Variants in PTPRD observed in about 807,000 individuals in gnomAD.
PTPRD encodes the protein receptor-type tyrosine-protein phosphatase delta.
PTPRD carries 34 observed loss-of-function variants against 214.5 expected under a neutral mutation model. The ratio of observed to expected loss-of-function variants is 0.16; its 90% CI spans 0.12 to 0.21. The LOEUF (loss-of-function observed/expected upper bound fraction) is 0.21, where lower values mean the gene tolerates loss of function less well. Among genes scored for constraint, PTPRD ranks in the 10% least tolerant of loss-of-function variants. The pLI is 1.00. For synonymous variants in PTPRD, 1,128 were observed against 845.7 expected (o/e 1.33, Z -5.79); for missense variants, 2,545 against 2,398.7 (o/e 1.06, Z -1.27).
At chr9:9,460,940 T>C (rs1304177323) in intron 8 of PTPRD, among the ~76,000 whole-genome samples, 1 of 152,018 alleles carries the variant, frequency 6.6e-6, no homozygotes, top group African/African-American at 2.4e-5. Context: ...CGTCAGTGGT[T>C]GACTGGATAA....
At chr9:9,928,763 C>CAA (rs1332731429) in intron 5 of PTPRD, among the ~76,000 whole-genome samples, 1 of 151,316 alleles carries the variant, frequency 6.6e-6, no homozygotes, top group Non-Finnish European at 1.5e-5. Flanking sequence ...TCTATACACA[C>CAA]ACACACACAC....
chr9:8,738,383 C>G (rs1373554895), intron 11 of PTPRD, among the ~76,000 whole-genome samples: 1 of 148,498 alleles, frequency 6.7e-6, no homozygotes, highest in African/African-American at 2.6e-5. Context: ...GCTTTCTATA[C>G]TGTTATTTGT....
In PTPRD at chr9:8,681,847, C is replaced by T. The variant is rs182188188; in HGVS notation, c.65-45003G>A. On this transcript the variant is annotated intron_variant, in intron 12 of 45. Coordinates refer to ENST00000381196, the MANE Select transcript of PTPRD (RefSeq NM_002839.4). ...AATAAGAATTCAGTGATTGCCCTTC[C>T]CCACTTAAAATACATAATATCTACT... Among the ~76,000 whole-genome samples, 16 of 152,226 alleles carry T rather than the reference C, an allele frequency of 1.1e-4. No individual in the cohort carries two copies. In the East Asian group the frequency reaches 2.5e-3, roughly 24 times the overall value.
At chr9:9,470,821 C>G (rs1238622959) in intron 8 of PTPRD, among the ~76,000 whole-genome samples, 2 of 152,150 alleles carry the variant, frequency 1.3e-5, no homozygotes, top group Non-Finnish European at 2.9e-5. Flanking sequence ...CATGCTGTCT[C>G]AAATGCTAAC....
chr9:9,447,144 A>T (rs1246944116), intron 8 of PTPRD, among the ~76,000 whole-genome samples: 1 of 152,176 alleles, frequency 6.6e-6, no homozygotes, highest in Non-Finnish European at 1.5e-5. Flanking sequence ...TTACTATTTA[A>T]CCCAGCAATC....
chr9:9,613,127 CATACATACATATATATATATATATAT>C (rs1461667745), intron 7 of PTPRD, among the ~76,000 whole-genome samples: 4 of 39,118 alleles, frequency 1.0e-4, no homozygotes, highest in Non-Finnish European at 2.0e-4. Flanking sequence ...CTGCAGTATA[CATACATACATATATATATATATATAT>C]ATATATATAT....
intron 44 of PTPRD, 48 bp downstream of exon 44, chr9:8,331,534 A>G (rs2131626355): frequency 7.2e-7 from 1 of 1,386,264 alleles, no homozygotes; most frequent in Non-Finnish European, 9.7e-7. Context: ...ACAGACAATG[A>G]AGAAACACCA....
At chr9:9,669,200 A>G (rs139221574) in intron 7 of PTPRD, among the ~76,000 whole-genome samples, 1 of 152,198 alleles carries the variant, frequency 6.6e-6, no homozygotes, top group Non-Finnish European at 1.5e-5. Flanking sequence ...ATGCACAACT[A>G]TGTTTATTGC....
At chr9:8,568,154 G>T (rs2089983435) in intron 14 of PTPRD, among the ~76,000 whole-genome samples, 1 of 152,018 alleles carries the variant, frequency 6.6e-6, no homozygotes, top group African/African-American at 2.4e-5. Flanking sequence ...ATAGATTTTG[G>T]TTTAGTCAGC....
chr9:8,775,077 C>T (rs558639319), intron 11 of PTPRD, among the ~76,000 whole-genome samples: 29 of 152,112 alleles, frequency 1.9e-4, no homozygotes, highest in African/African-American at 6.8e-4. Flanking sequence ...TCCAGTGATG[C>T]CTTAAGTGAT....
intron 11 of PTPRD, among the ~76,000 whole-genome samples, chr9:8,769,478 G>A (rs1302192777): frequency 6.6e-6 from 1 of 152,154 alleles, no homozygotes; most frequent in African/African-American, 2.4e-5. Context: ...ATTTGGCCGA[G>A]GCAGTAGACA....
chr9:10,595,611 T>C (rs1223890184), intron 2 of PTPRD, among the ~76,000 whole-genome samples: 1 of 151,578 alleles, frequency 6.6e-6, no homozygotes, highest in Admixed American at 6.6e-5. Context: ...TATTATTTAA[T>C]ATTTCTGGGT....
At chr9:8,553,511 G>C (rs930850578) in intron 14 of PTPRD, among the ~76,000 whole-genome samples, 1 of 152,032 alleles carries the variant, frequency 6.6e-6, no homozygotes, top group Non-Finnish European at 1.5e-5. Context: ...GTCGTTTACT[G>C]GACACTTACC....
At chr9:8,661,132 T>G (rs72700331) in intron 12 of PTPRD, among the ~76,000 whole-genome samples, 41,500 of 151,896 alleles carry the variant, frequency 0.27, 5,965 homozygotes, top group African/African-American at 0.35. Flanking sequence ...CCTGCTCTTT[T>G]TCATATGCCA....
At chr9:10,104,020 T>A (rs556212740) in intron 3 of PTPRD, among the ~76,000 whole-genome samples, 1 of 151,804 alleles carries the variant, frequency 6.6e-6, no homozygotes, top group Non-Finnish European at 1.5e-5. Flanking sequence ...TACCACCATG[T>A]GTAGGAAACT....
chr9:8,713,300 G>T (rs984125017), intron 12 of PTPRD: 2 of 728,956 alleles, frequency 2.7e-6, no homozygotes, highest in Non-Finnish European at 4.8e-6. Flanking sequence ...GGCGAGCGCG[G>T]AGAGGACGCC....
chr9:10,173,836 T>C (rs1464871852), intron 3 of PTPRD, among the ~76,000 whole-genome samples: 1 of 151,828 alleles, frequency 6.6e-6, no homozygotes, highest in Non-Finnish European at 1.5e-5. Flanking sequence ...ATAACAAGCC[T>C]TGAGCCTTGT....
At chr9:8,853,343 G>A (rs1167484232) in intron 11 of PTPRD, among the ~76,000 whole-genome samples, 1 of 152,156 alleles carries the variant, frequency 6.6e-6, no homozygotes, top group Admixed American at 6.5e-5. Context: ...CAATCAGGAA[G>A]CACAAGTCAC....
At chr9:8,613,560 CA>C (rs1262266946) in intron 14 of PTPRD, among the ~76,000 whole-genome samples, 3 of 151,976 alleles carry the variant, frequency 2.0e-5, no homozygotes, top group Non-Finnish European at 4.4e-5. Flanking sequence ...GTTTTTTACC[CA>C]AAGTTTGAAT....
Sources: allele counts gnomAD v4.1 joint callset (sites outside exome capture counted in the v4.1 genomes callset), GRCh38; gene constraint gnomAD v4.1.1; transcripts MANE v1.5; gene names NCBI Gene and HGNC (gene_info 2026-07-23, HGNC 2026-07-21).